Variants in SYCP1 observed in about 807,000 individuals in gnomAD.
SYCP1 encodes the protein cancer/testis antigen 8.
Under a neutral mutation model 153.1 loss-of-function variants are expected in SYCP1, and 64 were observed. That is an observed-to-expected ratio of 0.42 (90% CI 0.34 to 0.51). SYCP1 has a LOEUF of 0.51. Among genes scored for constraint, SYCP1 ranks in the 20% least tolerant of loss-of-function variants. The pLI is 0.06. For missense variants in SYCP1, 997 were observed against 1,049.0 expected, an observed-to-expected ratio of 0.95 and a Z score of 0.68; for synonymous variants, 384 against 341.8, an observed-to-expected ratio of 1.12 and a Z score of -1.36.
intron 23 of SYCP1, among the ~76,000 whole-genome samples, chr1:114,934,963 C>T (rs1669895405): frequency 6.6e-6 from 1 of 152,262 alleles, no homozygotes; most frequent in East Asian, 1.9e-4. Context: ...TAATGGGAGA[C>T]TTTAACACCC....
At chr1:114,859,700 C>G in intron 6 of SYCP1, 43 bp from the exon 7 acceptor site, 1 of 961,650 alleles carries the variant, frequency 1.0e-6, no homozygotes. Flanking sequence ...TTTATTTTTG[C>G]TAATAAGCAA....
At chr1:114,873,549 G>A (rs1665312955) in intron 8 of SYCP1, among the ~76,000 whole-genome samples, 1 of 152,172 alleles carries the variant, frequency 6.6e-6, no homozygotes, top group Admixed American at 6.5e-5. Flanking sequence ...AGGTTAGTTA[G>A]GCTCTGACAA....
In SYCP1 at chr1:114,968,531, GTCTTTTCTGT is replaced by G. The variant is rs59463945; in HGVS notation, c.2323-9022_2323-9013del. Among the ~76,000 whole-genome samples, 1,004 of 152,222 alleles carry G rather than the reference GTCTTTTCTGT, an allele frequency of 6.6e-3. 13 individuals are homozygous for G. Among genetic ancestry groups the G allele is most frequent in the African/African-American group, 0.023 (942 of 41,546 alleles). ...ATGCTGTGTTTTTCAGCTCCATCAG[GTCTTTTCTGT>G]TCTCTAAACTGGTTATTCTAGTTAG... On this transcript the variant is annotated intron_variant, in intron 27 of 31. Transcript: ENST00000369522.
At chr1:114,974,403 C>T (rs186139046) in intron 27 of SYCP1, among the ~76,000 whole-genome samples, 2 of 151,966 alleles carry the variant, frequency 1.3e-5, no homozygotes, top group South Asian at 4.2e-4. Context: ...ATGTACAGTT[C>T]AGCAGTGTTA....
At chr1:114,930,182 C>T (rs1282188484) in intron 23 of SYCP1, among the ~76,000 whole-genome samples, 1 of 151,636 alleles carries the variant, frequency 6.6e-6, no homozygotes, top group Non-Finnish European at 1.5e-5. Flanking sequence ...TTGTAAGGTA[C>T]AAATAAAGGA....
intron 30 of SYCP1, among the ~76,000 whole-genome samples, chr1:114,986,644 T>G (rs74113427): frequency 2.0e-5 from 3 of 151,982 alleles, no homozygotes; most frequent in African/African-American, 7.2e-5. Flanking sequence ...TTAGCTTATG[T>G]AGTTAAATTT....
At chr1:114,868,037 T>C (rs1301711853) in intron 8 of SYCP1, among the ~76,000 whole-genome samples, 2 of 152,164 alleles carry the variant, frequency 1.3e-5, no homozygotes, top group Non-Finnish European at 2.9e-5. Context: ...TAGCCTGTTA[T>C]GTGATGGATT....
At chr1:114,927,819 A>T (rs1669356768) in intron 23 of SYCP1, among the ~76,000 whole-genome samples, 1 of 152,066 alleles carries the variant, frequency 6.6e-6, no homozygotes, top group African/African-American at 2.4e-5. Flanking sequence ...GAATAGGGCA[A>T]ATAAAATTTT....
At chr1:114,896,009 G>A (rs1667038257) in intron 16 of SYCP1, among the ~76,000 whole-genome samples, 1 of 152,006 alleles carries the variant, frequency 6.6e-6, no homozygotes, top group Non-Finnish European at 1.5e-5. Context: ...GGCCATACAT[G>A]GTCTCTCTTT....
chr1:114,918,618 G>A (rs1048577442), intron 20 of SYCP1, among the ~76,000 whole-genome samples: 5 of 151,900 alleles, frequency 3.3e-5, no homozygotes, highest in Middle Eastern at 3.2e-3. Flanking sequence ...GTTCCAGTCC[G>A]TGAACACGTA....
intron 29 of SYCP1, among the ~76,000 whole-genome samples, chr1:114,982,905 G>C (rs1461519757): frequency 1.3e-5 from 2 of 151,938 alleles, no homozygotes; most frequent in Non-Finnish European, 2.9e-5. Context: ...TGTTTGTTTT[G>C]TGACTTTTCT....
intron 27 of SYCP1, among the ~76,000 whole-genome samples, chr1:114,954,967 T>TAAA: frequency 6.6e-6 from 1 of 152,334 alleles, no homozygotes; most frequent in Admixed American, 6.5e-5. Context: ...GCATACATGC[T>TAAA]TGCAGTATTG....
chr1:114,887,297 ATAG>A (rs1463266003), intron 14 of SYCP1, among the ~76,000 whole-genome samples: 3 of 152,078 alleles, frequency 2.0e-5, no homozygotes, highest in Non-Finnish European at 4.4e-5. Flanking sequence ...ATTCAGTATA[ATAG>A]TAGTTACATA....
At chr1:114,919,749 T>C (rs1048062491) in intron 20 of SYCP1, among the ~76,000 whole-genome samples, 1 of 152,088 alleles carries the variant, frequency 6.6e-6, no homozygotes, top group Non-Finnish European at 1.5e-5. Flanking sequence ...TGTCTAGGTA[T>C]TTATCCATTT....
chr1:114,945,074 C>T, intron 25 of SYCP1, 92 bp downstream of exon 25: 6 of 950,574 alleles, frequency 6.3e-6, no homozygotes, highest in Non-Finnish European at 9.2e-6. Flanking sequence ...TCTTATTTGT[C>T]AGAGAAGATT....
At chr1:114,993,282 A>G (rs1218179721) in intron 30 of SYCP1, among the ~76,000 whole-genome samples, 1 of 151,546 alleles carries the variant, frequency 6.6e-6, no homozygotes. Flanking sequence ...AATTCTGTTG[A>G]AATCTTAGAT....
At chr1:114,854,482 C>T (rs1663804027), upstream of SYCP1, among the ~76,000 whole-genome samples, 1 of 152,224 alleles carries the variant, frequency 6.6e-6, no homozygotes, top group Non-Finnish European at 1.5e-5. Flanking sequence ...AGTAACAGAA[C>T]TATACCACAT....
intron 16 of SYCP1, among the ~76,000 whole-genome samples, chr1:114,902,492 C>T (rs1667533755): frequency 7.0e-6 from 1 of 142,534 alleles, no homozygotes; most frequent in Admixed American, 6.7e-5. Context: ...GAGAGTCCTG[C>T]TAGCAGGCTT....
intron 29 of SYCP1, among the ~76,000 whole-genome samples, chr1:114,982,640 A>C (rs1283121493): frequency 6.6e-6 from 1 of 151,740 alleles, no homozygotes; most frequent in African/African-American, 2.4e-5. Flanking sequence ...TTTCTTTGAC[A>C]TAATTTTCTT....
Sources: allele counts gnomAD v4.1 joint callset (sites outside exome capture counted in the v4.1 genomes callset), GRCh38; gene constraint gnomAD v4.1.1; transcripts MANE v1.5; gene names NCBI Gene and HGNC (gene_info 2026-07-23, HGNC 2026-07-21).